Variants in TUSC3 observed in about 807,000 individuals in gnomAD.
The protein encoded by TUSC3 is dolichyl-diphosphooligosaccharide--protein glycosyltransferase subunit TUSC3.
In TUSC3, 45 loss-of-function variants were observed where a neutral mutation model predicts 44.8. The observed-to-expected ratio is 1.00, with a 90% CI of 0.79 to 1.29. TUSC3 has a LOEUF of 1.29. Among genes scored for constraint, TUSC3 ranks in the 50% most tolerant of loss-of-function variants. The probability of loss-of-function intolerance (pLI) is 0.00; values close to 1 mark genes in which losing one functional copy is unlikely to be tolerated. For missense variants in TUSC3, 519 were observed against 437.9 expected, an observed-to-expected ratio of 1.19 and a Z score of -1.65; for synonymous variants, 212 against 152.9, an observed-to-expected ratio of 1.39 and a Z score of -2.85.
At chr8:15,814,140 T>G in the TUSC3 span, among the ~76,000 whole-genome samples, 2 of 152,174 alleles carry the variant, frequency 1.3e-5, no homozygotes, top group Non-Finnish European at 2.9e-5. Flanking sequence ...TCACATAGCA[T>G]CAGCAGGTTT....
chr8:15,723,626 T>C (rs1465373), intron 6 of TUSC3, among the ~76,000 whole-genome samples: 11,009 of 152,064 alleles, frequency 0.072, 546 homozygotes, highest in East Asian at 0.26. Flanking sequence ...GAACTAATGC[T>C]GCCTCAAAGA....
chr8:15,612,612 A>G (rs560483933), intron 1 of TUSC3, among the ~76,000 whole-genome samples: 57 of 152,336 alleles, frequency 3.7e-4, no homozygotes, highest in African/African-American at 1.4e-3. Context: ...ATGTTAAGAT[A>G]AAAATACAAG....
chr8:15,628,888 C>G (rs3788996), intron 2 of TUSC3, among the ~76,000 whole-genome samples: 1 of 151,816 alleles, frequency 6.6e-6, no homozygotes, highest in African/African-American at 2.4e-5. Context: ...GTAGAAAGTG[C>G]GGGTGAGAGA....
At chr8:15,738,828 T>TTTTTTTTTTC (rs1491343208) in intron 7 of TUSC3, among the ~76,000 whole-genome samples, 1 of 93,874 alleles carries the variant, frequency 1.1e-5, no homozygotes, top group Non-Finnish European at 2.2e-5. Context: ...TATATCTTGC[T>TTTTTTTTTTC]TTTTTTTTTT....
At chr8:15,744,897 C>T (rs192814503) in intron 8 of TUSC3, among the ~76,000 whole-genome samples, 27 of 152,094 alleles carry the variant, frequency 1.8e-4, no homozygotes, top group Admixed American at 3.9e-4. Context: ...GATCTCATCA[C>T]CCAATAATGA....
rs114908324 is a variant in TUSC3 at position 15,482,124 on chromosome 8, C to A, written n.92-1262C>A. On this transcript the variant is annotated intron_variant and non_coding_transcript_variant, in intron 1 of 5. Transcript: ENST00000503191. ...TAAGAAATCACTTTCTTTGTTCATCCCTCGGAAACAACTCCTTATCTGTTT... is the reference window on the plus strand; with the variant it reads ...TAAGAAATCACTTTCTTTGTTCATCACTCGGAAACAACTCCTTATCTGTTT... 3.2e-3 allele frequency among the ~76,000 whole-genome samples: 491 copies of A among 152,228 alleles called. 1 individual carries two copies. Among genetic ancestry groups the A allele is most frequent in the African/African-American group, 0.011 (477 of 41,540 alleles).
At chr8:15,591,677 G>T (rs994577495) in intron 1 of TUSC3, among the ~76,000 whole-genome samples, 1 of 152,174 alleles carries the variant, frequency 6.6e-6, no homozygotes, top group Non-Finnish European at 1.5e-5. Flanking sequence ...TTTCAGTGCA[G>T]ATCTGACTTT....
intron 6 of TUSC3, among the ~76,000 whole-genome samples, chr8:15,695,791 G>T (rs143989458): frequency 6.6e-6 from 1 of 152,304 alleles, no homozygotes; most frequent in African/African-American, 2.4e-5. Flanking sequence ...CTCTTGTTAC[G>T]TTTTAGCAGA....
intron 2 of TUSC3, among the ~76,000 whole-genome samples, chr8:15,533,013 G>C (rs978166211): frequency 2.0e-5 from 3 of 152,198 alleles, no homozygotes; most frequent in Non-Finnish European, 4.4e-5. Context: ...GGCTGGTCTT[G>C]AACTCCTGAC....
At chr8:15,829,048 C>G in the TUSC3 span, among the ~76,000 whole-genome samples, 8 of 152,132 alleles carry the variant, frequency 5.3e-5, no homozygotes, top group Admixed American at 5.2e-4. Context: ...CTATTTTCTC[C>G]AAATTTTCAC....
At chr8:15,421,931 A>G (rs1275134523) in intron 1 of TUSC3, among the ~76,000 whole-genome samples, 1 of 152,126 alleles carries the variant, frequency 6.6e-6, no homozygotes, top group South Asian at 2.1e-4. Context: ...GTTTTCTTTT[A>G]AAAAATCACT....
At chr8:15,730,556 A>T (rs1810677452) in intron 6 of TUSC3, 110 bp from the exon 7 acceptor site, 5 of 1,050,604 alleles carry the variant, frequency 4.8e-6, no homozygotes, top group Non-Finnish European at 7.1e-6. Context: ...GTAATAAAAA[A>T]TTAGTAAAAA....
chr8:15,645,782 G>A (rs1362169810), intron 2 of TUSC3, among the ~76,000 whole-genome samples: 1 of 151,940 alleles, frequency 6.6e-6, no homozygotes, highest in East Asian at 1.9e-4. Context: ...GTTTGTGATA[G>A]TACACAGATG....
the TUSC3 span, among the ~76,000 whole-genome samples, chr8:15,808,612 A>G: frequency 4.1e-4 from 63 of 152,322 alleles, no homozygotes; most frequent in African/African-American, 1.5e-3. Context: ...AGGTAAGAAC[A>G]TGGAAGACAG....
chr8:15,646,979 A>C (rs930381070), intron 2 of TUSC3, among the ~76,000 whole-genome samples: 1 of 152,098 alleles, frequency 6.6e-6, no homozygotes, highest in African/African-American at 2.4e-5. Context: ...CCTATGGCTG[A>C]TGTTTTTTGA....
chr8:15,774,241 T>C, the TUSC3 span, among the ~76,000 whole-genome samples: 11 of 123,330 alleles, frequency 8.9e-5, no homozygotes, highest in Non-Finnish European at 1.7e-4. Context: ...TTTTGTCTCC[T>C]CAAAAAAGAT....
chr8:15,741,697 A>G (rs1346347918), intron 7 of TUSC3, among the ~76,000 whole-genome samples: 1 of 152,144 alleles, frequency 6.6e-6, no homozygotes, highest in Non-Finnish European at 1.5e-5. Context: ...TAAAAATTAA[A>G]AAAAAAAAAT....
At chr8:15,555,652 A>C (rs1802233736) in intron 1 of TUSC3, among the ~76,000 whole-genome samples, 1 of 151,670 alleles carries the variant, frequency 6.6e-6, no homozygotes, top group Admixed American at 6.6e-5. Flanking sequence ...CGAAGGTCTC[A>C]AACCAATTTC....
chr8:15,614,759 C>G (rs757030184), intron 1 of TUSC3, among the ~76,000 whole-genome samples: 4 of 151,878 alleles, frequency 2.6e-5, no homozygotes, highest in African/African-American at 7.3e-5. Flanking sequence ...TGTAAATTGC[C>G]TTGGACATAG....
Sources: gnomAD v4.1 joint callset for allele counts (sites outside exome capture counted in the v4.1 genomes callset) on GRCh38, gnomAD v4.1.1 for gene constraint, MANE v1.5 for transcripts, NCBI Gene and HGNC (gene_info 2026-07-23, HGNC 2026-07-21) for gene names.